DSCAM: variants seen among roughly 807,000 people sequenced by gnomAD.
DSCAM encodes the protein DS cell adhesion molecule.
A neutral mutation model predicts 217.7 loss-of-function variants in DSCAM; 47 were observed. The ratio of observed to expected loss-of-function variants is 0.22; its 90% confidence interval spans 0.17 to 0.28. The LOEUF is 0.28. Among genes scored for constraint, DSCAM ranks in the 10% least tolerant of loss-of-function variants. The pLI, the probability that DSCAM is intolerant of heterozygous loss-of-function variation, is 1.00. For missense variants in DSCAM, 2,080 were observed against 2,618.3 expected (o/e 0.79, Z 4.49); for synonymous variants, 1,056 against 1,015.3 (o/e 1.04, Z -0.76).
intron 1 of DSCAM, among the ~76,000 whole-genome samples, chr21:40,775,785 T>C (rs2091482583): frequency 6.6e-6 from 1 of 152,198 alleles, no homozygotes; most frequent in Non-Finnish European, 1.5e-5. Flanking sequence ...AATGAAGAGA[T>C]GTCCTTTTTG....
intron 3 of DSCAM, among the ~76,000 whole-genome samples, chr21:40,393,598 A>G (rs894389987): frequency 1.3e-5 from 2 of 152,230 alleles, no homozygotes; most frequent in Non-Finnish European, 2.9e-5. Flanking sequence ...TAGAAAGAAT[A>G]AAATATAAAT....
At chr21:40,803,777 A>G (rs4818181) in intron 1 of DSCAM, among the ~76,000 whole-genome samples, 19,020 of 147,560 alleles carry the variant, frequency 0.13, 1,515 homozygotes, top group East Asian at 0.39. Context: ...AAGAATGGGG[A>G]AAAAAAAAAC....
At chr21:40,372,756 G>C (rs1601594776) in intron 3 of DSCAM, among the ~76,000 whole-genome samples, 1 of 152,312 alleles carries the variant, frequency 6.6e-6, no homozygotes, top group East Asian at 1.9e-4. Context: ...AGTATGCTGA[G>C]AGTTAGAAAA....
At chr21:40,306,611 C>T (rs1401241759) in intron 9 of DSCAM, among the ~76,000 whole-genome samples, 4 of 149,970 alleles carry the variant, frequency 2.7e-5, no homozygotes, top group Non-Finnish European at 5.9e-5. Flanking sequence ...TTTTGAGATA[C>T]GTCCCATCAA....
chr21:40,474,776 G>A (rs1027245833), intron 3 of DSCAM, among the ~76,000 whole-genome samples: 6 of 152,170 alleles, frequency 3.9e-5, no homozygotes, highest in African/African-American at 9.7e-5. Flanking sequence ...GAGTGCGTGC[G>A]TTCTGCCTGG....
In DSCAM at chr21:40,178,268, C is replaced by T. The variant is rs1359205018; in HGVS notation, c.2947+659G>A. On this transcript the variant is annotated intron_variant, in intron 15 of 32. Coordinates refer to ENST00000400454, the MANE Select transcript of DSCAM (RefSeq NM_001389.5). The stretch of plus-strand genomic sequence containing the variant: ...ACTGGTGCGTGCCTGTGTGCATGTG[C>T]GTGTGTGGGTGATGAAATTATTTAG... Among the ~76,000 whole-genome samples, 15 of 152,020 alleles carry T rather than the reference C, an allele frequency of 9.9e-5. No homozygotes were observed. In the South Asian group the frequency reaches 1.0e-3, roughly 11 times the overall value.
chr21:40,185,873 C>A (rs1174379401), intron 14 of DSCAM, among the ~76,000 whole-genome samples: 3 of 152,168 alleles, frequency 2.0e-5, no homozygotes, highest in South Asian at 2.1e-4. Context: ...GAGCCCAGGG[C>A]CCTGGCTCTG....
intron 11 of DSCAM, among the ~76,000 whole-genome samples, chr21:40,266,672 A>ATATATATATATAT (rs1422997672): frequency 8.9e-5 from 4 of 45,012 alleles, no homozygotes; most frequent in African/African-American, 1.3e-4. Context: ...TATATATATA[A>ATATATATATATAT]TCTTGAAATT....
intron 3 of DSCAM, among the ~76,000 whole-genome samples, chr21:40,498,667 C>A (rs186301030): frequency 0.016 from 384 of 23,930 alleles, no homozygotes; most frequent in African/African-American, 0.019. Flanking sequence ...ATATATATAC[C>A]CATATATATA....
chr21:40,513,633 C>T (rs935095719), intron 3 of DSCAM, among the ~76,000 whole-genome samples: 4 of 152,102 alleles, frequency 2.6e-5, no homozygotes, highest in African/African-American at 9.7e-5. Flanking sequence ...AAAAAGAACT[C>T]GCTCATTATC....
intron 3 of DSCAM, among the ~76,000 whole-genome samples, chr21:40,402,430 T>A (rs1336511351): frequency 6.6e-6 from 1 of 152,104 alleles, no homozygotes; most frequent in Non-Finnish European, 1.5e-5. Flanking sequence ...AGCTAAGAGT[T>A]TTTACCTCTC....
At chr21:40,052,909 A>G (rs775316783) in intron 29 of DSCAM, among the ~76,000 whole-genome samples, 5 of 152,170 alleles carry the variant, frequency 3.3e-5, no homozygotes, top group Non-Finnish European at 7.3e-5. Flanking sequence ...CAGGATTCTC[A>G]TTACTACCTT....
At chr21:40,584,315 T>C (rs2076927609) in intron 3 of DSCAM, among the ~76,000 whole-genome samples, 2 of 152,132 alleles carry the variant, frequency 1.3e-5, no homozygotes, top group South Asian at 4.2e-4. Flanking sequence ...GATAAATGAA[T>C]TACATATATT....
At chr21:40,570,554 T>C (rs184030720) in intron 3 of DSCAM, among the ~76,000 whole-genome samples, 3 of 152,298 alleles carry the variant, frequency 2.0e-5, no homozygotes, top group Admixed American at 6.5e-5. Flanking sequence ...GATAACTCAT[T>C]AACAGAAACA....
At chr21:40,364,437 C>T (rs2074804963) in intron 4 of DSCAM, among the ~76,000 whole-genome samples, 1 of 148,934 alleles carries the variant, frequency 6.7e-6, no homozygotes, top group Non-Finnish European at 1.5e-5. Context: ...GACAAAAAAC[C>T]AAACACCGCA....
intron 15 of DSCAM, among the ~76,000 whole-genome samples, chr21:40,170,970 AG>A (rs1278680364): frequency 6.6e-6 from 1 of 152,182 alleles, no homozygotes; most frequent in African/African-American, 2.4e-5. Flanking sequence ...ATTAAACCAA[AG>A]GTGCCAGCAT....
chr21:40,169,300 A>G (rs755851630), intron 15 of DSCAM, among the ~76,000 whole-genome samples: 1 of 152,236 alleles, frequency 6.6e-6, no homozygotes, highest in Non-Finnish European at 1.5e-5. Context: ...CAACAATATG[A>G]CAATAAGCCA....
chr21:40,020,106 T>C (rs1039413120), intron 32 of DSCAM, among the ~76,000 whole-genome samples: 12 of 152,218 alleles, frequency 7.9e-5, no homozygotes, highest in Admixed American at 3.9e-4. Context: ...AGTAATTGAA[T>C]CATGGCAGTG....
chr21:40,378,215 T>A (rs1311021611), intron 3 of DSCAM, among the ~76,000 whole-genome samples: 1 of 152,214 alleles, frequency 6.6e-6, no homozygotes, highest in Non-Finnish European at 1.5e-5. Context: ...ACGTTTTAAT[T>A]AATTGCTGAA....
Sources: allele counts gnomAD v4.1 joint callset (sites outside exome capture counted in the v4.1 genomes callset), GRCh38; gene constraint gnomAD v4.1.1; transcripts MANE v1.5; gene names NCBI Gene and HGNC (gene_info 2026-07-23, HGNC 2026-07-21).